Variants in TSNARE1 observed in about 807,000 individuals in gnomAD.
TSNARE1 encodes t-SNARE domain-containing protein 1.
In TSNARE1, 49 loss-of-function variants were observed where a neutral mutation model predicts 62.0. That is an observed-to-expected ratio of 0.79 (90% CI 0.63 to 1.00). The LOEUF is 1.00. TSNARE1 is among the 50% of genes least tolerant of loss of function. The probability of loss-of-function intolerance (pLI) is 0.00; values close to 1 mark genes in which losing one functional copy is unlikely to be tolerated. For synonymous variants in TSNARE1, 328 were observed against 294.4 expected (o/e 1.11, Z -1.17); for missense variants, 755 against 700.1 (o/e 1.08, Z -0.88).
chr8:142,278,752 C>T, intron 11 of TSNARE1: 1 of 985,394 alleles, frequency 1.0e-6, no homozygotes, highest in Non-Finnish European at 1.2e-6. Flanking sequence ...GCACAGCGTG[C>T]CTGACAGGCT....
At chr8:142,322,859 C>T (rs1328340482) in intron 6 of TSNARE1, among the ~76,000 whole-genome samples, 1 of 150,358 alleles carries the variant, frequency 6.7e-6, no homozygotes, top group African/African-American at 2.5e-5. Context: ...CTGGCCGTGT[C>T]TGTGGGCTGA....
intron 7 of TSNARE1, among the ~76,000 whole-genome samples, chr8:142,317,760 C>A (rs1828808584): frequency 6.6e-6 from 1 of 152,204 alleles, no homozygotes; most frequent in Non-Finnish European, 1.5e-5. Flanking sequence ...GAGTTTGAGA[C>A]CAGCCTGAGC....
At chr8:142,231,905 T>C (rs1817132187) in intron 12 of TSNARE1, among the ~76,000 whole-genome samples, 1 of 152,208 alleles carries the variant, frequency 6.6e-6, no homozygotes, top group Non-Finnish European at 1.5e-5. Flanking sequence ...GCCCTGTATG[T>C]GCCATAAGAG....
At chr8:142,278,937 A>G (rs1820948531) in intron 11 of TSNARE1, 1 of 329,576 alleles carries the variant, frequency 3.0e-6, no homozygotes, top group Admixed American at 6.4e-5. Context: ...AACGTGACCA[A>G]TGAATGGACA....
Position 142,398,755 on chromosome 8 carries a change from G to A in TSNARE1, c.-40+4349C>T, listed in dbSNP as rs77159310. On this transcript the variant is annotated intron_variant, in intron 1 of 13. Coordinates refer to ENST00000524325, the MANE Select transcript of TSNARE1 (RefSeq NM_145003.5). Reference sequence around the variant, plus strand: ...AGCAGCCCTGATGGCAGGGGCAGGGGCTGGGGACTTGCCAATGACCCTGTC... The same window carrying A: ...AGCAGCCCTGATGGCAGGGGCAGGGACTGGGGACTTGCCAATGACCCTGTC... Among the ~76,000 whole-genome samples, 347 of 152,324 alleles carry A rather than the reference G, an allele frequency of 2.3e-3. 2 individuals are homozygous for A. The highest frequency in any genetic ancestry group is 7.5e-3 in the African/African-American group (310 of 41,560).
intron 10 of TSNARE1, among the ~76,000 whole-genome samples, chr8:142,293,680 C>G (rs1416300782): frequency 6.6e-6 from 1 of 152,188 alleles, no homozygotes; most frequent in African/African-American, 2.4e-5. Flanking sequence ...GGCTGTCATC[C>G]CTCCCACCAG....
At chr8:142,318,678 G>A (rs1828972039) in intron 6 of TSNARE1, 44 bp from the exon 7 acceptor site, 1 of 1,599,938 alleles carries the variant, frequency 6.3e-7, no homozygotes, top group Non-Finnish European at 8.6e-7. Flanking sequence ...GGGGAGGAAG[G>A]CAGCAGAGAG....
At chr8:142,326,580 C>T (rs1167892890) in intron 6 of TSNARE1, among the ~76,000 whole-genome samples, 4 of 120,776 alleles carry the variant, frequency 3.3e-5, no homozygotes, top group East Asian at 2.5e-4. Context: ...CCGGAGAGCA[C>T]GAGACAGATG....
intron 13 of TSNARE1, 126 bp downstream of exon 13, chr8:142,229,347 G>T (rs1816990095): frequency 1.3e-6 from 1 of 764,300 alleles, no homozygotes; most frequent in Non-Finnish European, 2.3e-6. Context: ...ACGGTAGACA[G>T]GTGGATAAAT....
chr8:142,346,498 A>G (rs996871175), intron 2 of TSNARE1, among the ~76,000 whole-genome samples: 1 of 152,274 alleles, frequency 6.6e-6, no homozygotes. Context: ...ATTGAAATTC[A>G]TTGATCCTCA....
At chr8:142,380,189 C>T (rs117805789) in intron 1 of TSNARE1, among the ~76,000 whole-genome samples, 53 of 152,360 alleles carry the variant, frequency 3.5e-4, no homozygotes, top group Admixed American at 6.5e-4. Context: ...AACAACTCCA[C>T]AGGACAGAAA....
upstream of TSNARE1, chr8:142,406,983 G>A (rs549262918): frequency 1.3e-5 from 2 of 152,276 alleles, no homozygotes; most frequent in African/African-American, 4.8e-5. Context: ...TTAACATGGA[G>A]CAGGAGTGAC....
chr8:142,345,559 G>C (rs1047972593), intron 3 of TSNARE1, among the ~76,000 whole-genome samples, 184 bp downstream of exon 3: 3 of 152,162 alleles, frequency 2.0e-5, no homozygotes, highest in African/African-American at 7.2e-5. Context: ...GGCCTGTATG[G>C]GCCGGCTGCA....
At chr8:142,307,220 C>G (rs1217098781) in intron 9 of TSNARE1, among the ~76,000 whole-genome samples, 1 of 152,258 alleles carries the variant, frequency 6.6e-6, no homozygotes, top group African/African-American at 2.4e-5. Context: ...TCCGAGACAT[C>G]ACCAGTGGGC....
Position 142,291,471 on chromosome 8 carries a change from C to T in TSNARE1, c.1291-6986G>A, listed in dbSNP as rs1391982394. 6.6e-6 allele frequency among the ~76,000 whole-genome samples: 1 copy of T among 152,158 alleles called. No homozygotes were observed. Among genetic ancestry groups the T allele is most frequent in the African/African-American group, 2.4e-5 (1 of 41,446 alleles). ...CAGGGCCTTGTCGTTAAACACAGAG[C>T]CTCCATGGAGTCCCAGGATAGAAAC... is the stretch of plus-strand genomic sequence containing the variant. On this transcript the variant is annotated intron_variant, in intron 10 of 13. Coordinates refer to ENST00000524325, the MANE Select transcript of TSNARE1 (RefSeq NM_145003.5). This position sits in a 1 kb window ranked among gnomAD's most constrained non-coding sequence, Gnocchi z 4.8.
At chr8:142,275,347 C>T in intron 11 of TSNARE1, 1 of 985,428 alleles carries the variant, frequency 1.0e-6, no homozygotes, top group Non-Finnish European at 1.2e-6. Context: ...TGGCCCTCGA[C>T]TCAAGCACAG....
At chr8:142,328,836 C>T (rs527391444) in intron 6 of TSNARE1, among the ~76,000 whole-genome samples, 193 of 150,446 alleles carry the variant, frequency 1.3e-3, no homozygotes, top group Middle Eastern at 3.4e-3. Context: ...GGGAGGGTTC[C>T]GCACACAGGT....
At chr8:142,274,509 A>C in intron 12 of TSNARE1, 1 of 985,388 alleles carries the variant, frequency 1.0e-6, no homozygotes, top group African/African-American at 1.7e-5. Flanking sequence ...CCTCGGCTGC[A>C]CCCCGGATCC....
At chr8:142,262,775 C>G (rs750661531) in intron 12 of TSNARE1, among the ~76,000 whole-genome samples, 9 of 152,220 alleles carry the variant, frequency 5.9e-5, no homozygotes, top group Non-Finnish European at 7.3e-5. Flanking sequence ...TCCCCAGAAG[C>G]AGAAGCCGCT....
Sources: gnomAD v4.1 joint callset for allele counts (sites outside exome capture counted in the v4.1 genomes callset) on GRCh38, gnomAD v4.1.1 for gene constraint, Gnocchi (gnomAD v3.1) non-coding constraint, MANE v1.5 for transcripts, NCBI Gene and HGNC (gene_info 2026-07-23, HGNC 2026-07-21) for gene names.